Variants in RYR2 observed in about 807,000 individuals in gnomAD.
RYR2 encodes the protein cardiac muscle ryanodine receptor-calcium release channel.
In RYR2, 227 loss-of-function variants were observed where a neutral mutation model predicts 601.1. That is an observed-to-expected ratio of 0.38 (90% CI 0.34 to 0.42). RYR2 has a LOEUF of 0.42. RYR2 is among the 10% of genes least tolerant of loss of function. The probability of loss-of-function intolerance (pLI) is 1.00; values close to 1 mark genes in which losing one functional copy is unlikely to be tolerated. For synonymous variants in RYR2, 2,223 were observed against 2,175.1 expected (o/e 1.02, Z -0.61); for missense variants, 4,646 against 6,156.5 (o/e 0.75, Z 8.21).
intron 18 of RYR2, 96 bp from the exon 19 acceptor site, chr1:237,492,858 A>AGGAAGGAAGAAG: frequency 8.2e-7 from 1 of 1,220,166 alleles, no homozygotes; most frequent in South Asian, 1.5e-5. Context: ...GAAGGAAGGA[A>AGGAAGGAAGAAG]GGAAGGAAGG....
chr1:237,580,596 T>A (rs2255179), intron 29 of RYR2, among the ~76,000 whole-genome samples: 142,100 of 152,130 alleles, frequency 0.93, 67,100 homozygotes, highest in East Asian at 1. Flanking sequence ...ATGGCTTTGG[T>A]GGACATGTGT....
chr1:237,631,729 G>C (rs976392326), intron 42 of RYR2, among the ~76,000 whole-genome samples, 188 bp downstream of exon 42: 2 of 138,166 alleles, frequency 1.4e-5, no homozygotes, highest in Admixed American at 1.7e-4. Flanking sequence ...CCGGGTTCAC[G>C]CCATTCTCCT....
chr1:237,504,166 T>C, intron 22 of RYR2, among the ~76,000 whole-genome samples: 1 of 152,240 alleles, frequency 6.6e-6, no homozygotes, highest in East Asian at 1.9e-4. Flanking sequence ...CATATTATAC[T>C]TTTCATGCAC....
chr1:237,303,145 A>G (rs1056002929), intron 2 of RYR2, among the ~76,000 whole-genome samples: 18 of 152,186 alleles, frequency 1.2e-4, no homozygotes, highest in Non-Finnish European at 2.5e-4. Flanking sequence ...GCTGCCATTT[A>G]TACACGTGGT....
At chr1:237,642,012 A>G (rs1681610055) in intron 47 of RYR2, among the ~76,000 whole-genome samples, 1 of 152,194 alleles carries the variant, frequency 6.6e-6, no homozygotes, top group Non-Finnish European at 1.5e-5. Flanking sequence ...GGCCCAAAAC[A>G]TTCATTTCCA....
At chr1:237,511,164 A>C (rs1013102941) in intron 23 of RYR2, among the ~76,000 whole-genome samples, 1 of 152,184 alleles carries the variant, frequency 6.6e-6, no homozygotes, top group South Asian at 2.1e-4. Flanking sequence ...CATACCAGGC[A>C]TGTTTAAGGT....
At chr1:237,109,881 A>G (rs990465398) in intron 1 of RYR2, among the ~76,000 whole-genome samples, 4 of 151,896 alleles carry the variant, frequency 2.6e-5, no homozygotes, top group Non-Finnish European at 5.9e-5. Context: ...ATGTTCACTG[A>G]GCGTATGACC....
At chr1:237,149,361 A>G (rs1201391639) in intron 1 of RYR2, among the ~76,000 whole-genome samples, 1 of 152,186 alleles carries the variant, frequency 6.6e-6, no homozygotes, top group Non-Finnish European at 1.5e-5. Flanking sequence ...CCCGAAAACA[A>G]AGCAAGAAAA....
intron 84 of RYR2, among the ~76,000 whole-genome samples, chr1:237,766,783 A>C (rs1693881084): frequency 6.6e-6 from 1 of 152,168 alleles, no homozygotes; most frequent in Non-Finnish European, 1.5e-5. Flanking sequence ...AGTTAACAGA[A>C]TGTACTTTAA....
intron 71 of RYR2, among the ~76,000 whole-genome samples, chr1:237,713,162 A>G (rs1453689569): frequency 1.3e-5 from 2 of 152,268 alleles, no homozygotes; most frequent in Admixed American, 6.5e-5. Flanking sequence ...TCCTGTACAG[A>G]TACCCTTTTC....
chr1:237,782,790 A>G (rs561336315), intron 89 of RYR2, among the ~76,000 whole-genome samples: 4 of 152,338 alleles, frequency 2.6e-5, no homozygotes, highest in African/African-American at 7.2e-5. Flanking sequence ...TGGTAATATT[A>G]TCTCAAGTTT....
intron 1 of RYR2, among the ~76,000 whole-genome samples, chr1:237,172,053 G>A (rs755611579): frequency 8.5e-5 from 13 of 152,250 alleles, no homozygotes; most frequent in Non-Finnish European, 1.9e-4. Context: ...TGTTTGAGAA[G>A]AGAGGAGGAA....
At chr1:237,827,936 CAAAAAAAAAAAAAAAAA>C (rs58421624) in intron 101 of RYR2, among the ~76,000 whole-genome samples, 11 of 69,290 alleles carry the variant, frequency 1.6e-4, no homozygotes, top group Non-Finnish European at 2.7e-4. Flanking sequence ...GACTCCGTCT[CAAAAAAAAAAAAAAAAA>C]AAAAAAAAAA....
intron 1 of RYR2, among the ~76,000 whole-genome samples, chr1:237,146,907 G>T (rs186916135): frequency 6.6e-6 from 1 of 152,240 alleles, no homozygotes; most frequent in East Asian, 1.9e-4. Context: ...ATAATTGCCT[G>T]CTTATAATTA....
Position 237,625,752 on chromosome 1 carries a change from T to A in RYR2, c.6114T>A (p.Tyr2038Ter), listed in dbSNP as rs1451202406. 6.2e-7 allele frequency: 1 copy of A among 1,613,776 alleles called. No homozygotes were observed. Among genetic ancestry groups the A allele is most frequent in the Non-Finnish European group, 8.5e-7 (1 of 1,179,840 alleles). ...RLLSLVEKVT[Y>*]LKKKQAEKPV... Reference sequence around the variant, plus strand: ...TATCCCTGGTAGAAAAGGTGACATATCTGAAGAAGAAGCAAGCAGAAAAAC... The same window carrying A: ...TATCCCTGGTAGAAAAGGTGACATAACTGAAGAAGAAGCAAGCAGAAAAAC... Residue 2038 changes from tyrosine (Y) to a stop codon, truncating the protein, a stop_gained, in exon 40 of 105, where the codon TAT becomes TAA. Transcript: ENST00000366574. LOFTEE classifies it high-confidence loss of function.
At chr1:237,375,426 A>G (rs1700948035) in intron 7 of RYR2, among the ~76,000 whole-genome samples, 2 of 152,222 alleles carry the variant, frequency 1.3e-5, no homozygotes, top group Non-Finnish European at 2.9e-5. Context: ...AGCATGCATC[A>G]CTTTGTAATT....
intron 38 of RYR2, among the ~76,000 whole-genome samples, chr1:237,618,983 G>A (rs1317357117): frequency 6.6e-6 from 1 of 152,110 alleles, no homozygotes; most frequent in Non-Finnish European, 1.5e-5. Flanking sequence ...TCCTCCAGAT[G>A]TCCAAGAAGG....
intron 75 of RYR2, 70 bp from the exon 76 acceptor site, chr1:237,727,017 G>T: frequency 1.2e-6 from 1 of 810,102 alleles, no homozygotes; most frequent in Non-Finnish European, 2.2e-6. Context: ...GATAGTTTGG[G>T]GTGTAAATAT....
intron 84 of RYR2, among the ~76,000 whole-genome samples, chr1:237,761,580 A>G (rs1693438308): frequency 6.6e-6 from 1 of 152,208 alleles, no homozygotes; most frequent in Admixed American, 6.5e-5. Flanking sequence ...TCTGTGCACA[A>G]AAGCAGAGAT....
Sources: allele counts gnomAD v4.1 joint callset (sites outside exome capture counted in the v4.1 genomes callset), GRCh38; gene constraint gnomAD v4.1.1; transcripts MANE v1.5; gene names NCBI Gene and HGNC (gene_info 2026-07-23, HGNC 2026-07-21).